MDC1: variants seen among roughly 807,000 people sequenced by gnomAD.
MDC1 encodes the protein mediator of DNA damage checkpoint protein 1.
A neutral mutation model predicts 142.5 loss-of-function variants in MDC1; 81 were observed. The observed-to-expected ratio is 0.57, with a 90% confidence interval of 0.47 to 0.68. The LOEUF (loss-of-function observed/expected upper bound fraction) is 0.68, where lower values mean the gene tolerates loss of function less well. MDC1 is among the 30% of genes least tolerant of loss of function. MDC1 has a pLI of 0.00. For missense variants in MDC1, 2,119 were observed against 2,547.9 expected (o/e 0.83, Z 3.62); for synonymous variants, 797 against 968.4 (o/e 0.82, Z 3.29).
At chr6:30,711,637 A>G (rs1202885064) in intron 6 of MDC1, 30 bp downstream of exon 6, 1 of 1,611,602 alleles carries the variant, frequency 6.2e-7, no homozygotes, top group South Asian at 1.1e-5. Context: ...TCCCACTGGT[A>G]CAGGATTCAA....
rs752810000 is a variant in MDC1, at chr6:30,703,216, C to T, written c.5753G>A (p.Gly1918Asp). 1.2e-6 allele frequency: 2 copies of T among 1,613,138 alleles called. No homozygotes were observed. The highest frequency in any genetic ancestry group is 2.2e-5 in the South Asian group (2 of 91,088). Residue 1918 changes from glycine to aspartate, a missense_variant, in exon 12 of 15, where the codon GGT becomes GAT. Transcript: ENST00000376406. This position sits in a 1 kb window ranked among gnomAD's most constrained non-coding sequence, Gnocchi z 4.4. ...CAGGTGGGAAGCCTCTGCCGCTGAA[C>T]CAGCCAGACTTCCCCCCAGTGCCAG... ...AVLALGGSLAGSAAEASHLVT... is the reference protein window; with the variant it reads ...AVLALGGSLADSAAEASHLVT...
rs17195649 is a variant in MDC1, at chr6:30,707,523, G to A, written c.3013+43C>T. On this transcript the variant is annotated intron_variant, in intron 8 of 14. Transcript: ENST00000376406. ...TGGTTGCCCAGGGGTTGATTATCAC[G>A]AGGCCTGTGTATCACCTTGGGTTCC... 5.1e-3 allele frequency: 8,305 copies of A among 1,612,948 alleles called. 36 individuals are homozygous for A. Among genetic ancestry groups the A allele is most frequent in the Admixed American group, 7.8e-3 (467 of 60,018 alleles).
At position 30,705,282 on chromosome 6, in the gene MDC1, C is replaced by G. The variant is rs200170667; in HGVS notation, c.3901G>C (p.Val1301Leu). The change falls in exon 10 of 15, where the codon GTC becomes CTC. Residue 1301 changes from valine to leucine, a missense_variant. Physicochemically the swap from Val to Leu is conservative, Grantham distance 32. Coordinates refer to ENST00000376406, the MANE Select transcript of MDC1 (RefSeq NM_014641.3). ...GTCCGAGATGTGGGCTTGGGGGTGA[C>G]AGGTCGGTCTGTGGAGGTGGAAGGC... is the stretch of plus-strand genomic sequence containing the variant. ...LRPSTSTDRP[V>L]TPKPTSRTTR... 374 of 1,603,240 alleles carry G rather than the reference C, an allele frequency of 2.3e-4. 1 individual carries two copies. Among genetic ancestry groups the G allele is most frequent in the Admixed American group, 8.3e-4 (48 of 57,926 alleles).
rs148404866 is a variant in MDC1, at chr6:30,704,182, G to C, written c.5001C>G (p.Asp1667Glu). Reference sequence around the variant, plus strand: ...CTATGGCCTCAGGGGTGACGGACTGGTCTGTGGGGGTAAAAGGCTCAAGAT... The same window carrying C: ...CTATGGCCTCAGGGGTGACGGACTGCTCTGTGGGGGTAAAAGGCTCAAGAT... ...ASDLEPFTPT[D>E]QSVTPEAIAQ... is the part of the protein sequence containing the mutation. Residue 1667 changes from aspartate to glutamate, a missense_variant, in exon 10 of 15, where the codon GAC (aspartate) becomes GAG (glutamate). Coordinates refer to ENST00000376406, the MANE Select transcript of MDC1 (RefSeq NM_014641.3). 2,558 of 1,613,740 alleles carry C rather than the reference G, an allele frequency of 1.6e-3. 34 individuals carry two copies. The African/African-American group carries it at 0.031, about 19-fold the overall frequency.
chr6:30,707,710 C>T lies in MDC1; in HGVS notation c.2869G>A (p.Asp957Asn). Residue 957 changes from aspartate to asparagine, a missense_variant, in exon 8 of 15, where the codon GAC becomes AAC. Coordinates refer to ENST00000376406, the MANE Select transcript of MDC1 (RefSeq NM_014641.3). Reference protein sequence around the residue: ...QRGEPEGGSQDQKGQASSPTP... With the variant: ...QRGEPEGGSQNQKGQASSPTP... ...GGGCTGGAGGCCTGCCCTTTCTGGT[C>T]CTGGCTCCCTCCCTCTGGCTCCCCT... is the stretch of plus-strand genomic sequence containing the variant. 6.2e-7 allele frequency: 1 copy of T among 1,613,104 alleles called. No individual in the cohort carries two copies. The highest frequency in any genetic ancestry group is 8.5e-7 in the Non-Finnish European group (1 of 1,180,040).
Position 30,703,811 on chromosome 6 carries a change from A to T in MDC1, c.5372T>A (p.Val1791Glu), listed in dbSNP as rs28994873. The change falls in exon 10 of 15, where the codon GTG becomes GAG. Residue 1791 changes from valine (V) to glutamate (E), a missense_variant. Physicochemically the swap from Val to Glu is moderately radical, Grantham distance 121 (BLOSUM62 -2). Transcript: ENST00000376406. This position sits in a 1 kb window ranked among gnomAD's most constrained non-coding sequence, Gnocchi z 4.4. ...TPIHASQIQK[V>E]EPAGRSRFTP... ...GAACCTAGATCTACCTGCTGGTTCC[A>T]CCTTTTGGATCTGGGAGGCATGAAT... The T allele has an allele frequency of 0.016, 25,668 of 1,605,426 alleles. 372 individuals are homozygous for T. Among genetic ancestry groups the T allele is most frequent in the Middle Eastern group, 0.06 (363 of 6,010 alleles).
Position 30,715,073 on chromosome 6 carries a change from G to A in MDC1, c.103C>T (p.His35Tyr). The change falls in exon 2 of 15, where the codon CAT (histidine) becomes TAT (tyrosine). Residue 35 changes from histidine (H) to tyrosine (Y), a missense_variant. His to Tyr is a moderately conservative substitution (Grantham distance 83, BLOSUM62 2). Coordinates refer to ENST00000376406, the MANE Select transcript of MDC1 (RefSeq NM_014641.3). The surrounding 1 kb of genome is among the most constrained non-coding windows in gnomAD (Gnocchi z 4.1). ...RCNVEPVGRL[H>Y]IFSGAHGPEK... ...GGTCCATGGGCACCACTAAAGATAT[G>A]TAGCCGCCCTACTGGCTCCACGTTA... is the stretch of plus-strand genomic sequence containing the variant. The A allele has an allele frequency of 1.2e-6, 2 of 1,614,148 alleles. No homozygotes were observed. The highest frequency in any genetic ancestry group is 1.3e-5 in the African/African-American group (1 of 75,016).
At position 30,716,373 on chromosome 6, in the gene MDC1, G is replaced by A. The variant is rs990918915; in HGVS notation, c.-4+872C>T. On this transcript the variant is annotated intron_variant, in intron 1 of 14. Transcript: ENST00000376406. This position sits in a 1 kb window ranked among gnomAD's most constrained non-coding sequence, Gnocchi z 4.4. ...CGAGCAGCTGGGATTACAGGCGCCC[G>A]GCATCACGCCTGGCTAATTTTTGTA... Among the ~76,000 whole-genome samples, 1 of 152,062 alleles carries A rather than the reference G, an allele frequency of 6.6e-6. No homozygotes were observed. The highest frequency in any genetic ancestry group is 1.5e-5 in the Non-Finnish European group (1 of 68,010).
In MDC1 at chr6:30,703,501, C is replaced by T. The variant is rs1275550016; in HGVS notation, c.5599G>A (p.Asp1867Asn). 5.6e-6 allele frequency: 9 copies of T among 1,613,522 alleles called. No individual in the cohort carries two copies. The East Asian group carries it at 1.3e-4, about 24-fold the overall frequency. Residue 1867 changes from aspartate to asparagine, a missense_variant, in exon 11 of 15, where the codon GAC (aspartate) becomes AAC (asparagine). Coordinates refer to ENST00000376406, the MANE Select transcript of MDC1 (RefSeq NM_014641.3). The surrounding 1 kb of genome is among the most constrained non-coding windows in gnomAD (Gnocchi z 4.4). ...VTPKPGKRKR[D>N]QAEEEPNRIP... Reference sequence around the variant, plus strand: ...CTGTTGGGCTCCTCCTCTGCCTGGTCTCTCTTTCTCTTGCCTGGTTTTGGA... The same window carrying T: ...CTGTTGGGCTCCTCCTCTGCCTGGTTTCTCTTTCTCTTGCCTGGTTTTGGA...
chr6:30,706,123 G>A (rs774294770), intron 9 of MDC1, 25 bp from the exon 10 acceptor site: 2 of 1,521,486 alleles, frequency 1.3e-6, no homozygotes, highest in African/African-American at 1.4e-5. Flanking sequence ...AAGCAAGTGA[G>A]GGGGAGGAGG....
In MDC1 at chr6:30,712,829, C is replaced by T. The variant is rs573315345; in HGVS notation, c.1113G>A (p.Glu371=). The change falls in exon 5 of 15, where the codon GAG becomes GAA. Residue 371 remains glutamate, a synonymous_variant. Transcript: ENST00000376406. This position sits in a 1 kb window ranked among gnomAD's most constrained non-coding sequence, Gnocchi z 4.7. ...PGAPGLAHLQ[E]SQAGSDTDVE... ...CATCTGTATCACTACCAGCCTGGCT[C>T]TCCTGCAGATGGGCCAGGCCTGGTG... is the stretch of plus-strand genomic sequence containing the variant. 6.2e-7 allele frequency: 1 copy of T among 1,613,014 alleles called. No individual in the cohort carries two copies. Among genetic ancestry groups the T allele is most frequent in the Admixed American group, 1.7e-5 (1 of 60,018 alleles).
At chr6:30,711,788 AAAT>A in intron 5 of MDC1, 62 bp from the exon 6 acceptor site, 1 of 1,582,054 alleles carries the variant, frequency 6.3e-7, no homozygotes, top group Non-Finnish European at 8.6e-7. Context: ...TAAACTCCTT[AAAT>A]AATCTCTACC....
In MDC1 at chr6:30,702,633, G is replaced by A. The variant is rs771422452; in HGVS notation, c.6022C>T (p.Gln2008Ter). Residue 2008 changes from glutamine to a stop codon, truncating the protein, a stop_gained, in exon 14 of 15, where the codon CAG becomes TAG. Transcript: ENST00000376406. LOFTEE classifies it high-confidence loss of function. ...GYEIYVTPGV[Q>*]PPPPQMGEII... ...TCTCCCATCTGAGGTGGTGGTGGCTGGACTCCAGGGGTCACATAGATCTCA... is the reference window on the plus strand; with the variant it reads ...TCTCCCATCTGAGGTGGTGGTGGCTAGACTCCAGGGGTCACATAGATCTCA... 2 of 1,611,134 alleles carry A rather than the reference G, an allele frequency of 1.2e-6. No homozygotes were observed. The highest frequency in any genetic ancestry group is 1.7e-6 in the Non-Finnish European group (2 of 1,179,176).
In MDC1 at chr6:30,713,507, T is replaced by C. The variant is rs1775222676; in HGVS notation, c.587+141A>G. The stretch of plus-strand genomic sequence containing the variant: ...CACTTGGCACATCAGATGTGCTCCA[T>C]AAAAATTCAGCTGAGTGAATGAATA... On this transcript the variant is annotated intron_variant, in intron 4 of 14. Transcript: ENST00000376406. This position sits in a 1 kb window ranked among gnomAD's most constrained non-coding sequence, Gnocchi z 4.9. 1.6e-6 allele frequency: 2 copies of C among 1,249,980 alleles called. No homozygotes were observed. Among genetic ancestry groups the C allele is most frequent in the African/African-American group, 1.5e-5 (1 of 65,838 alleles). The allele number at this position is 1,249,980 out of a possible 1,614,324, so 77.4% of individuals were successfully genotyped here. A position where few individuals can be genotyped will look rare whatever the true frequency, so the allele number is the denominator to read the frequency against.
At position 30,707,403 on chromosome 6, in the gene MDC1, G is replaced by T; in HGVS notation, c.3065C>A (p.Ala1022Asp). 6.2e-7 allele frequency: 1 copy of T among 1,613,088 alleles called. No individual in the cohort carries two copies. Among genetic ancestry groups the T allele is most frequent in the African/African-American group, 1.3e-5 (1 of 75,046 alleles). Residue 1022 changes from alanine (A) to aspartate (D), a missense_variant, in exon 9 of 15, where the codon GCT becomes GAT. Ala to Asp is a moderately radical substitution (Grantham distance 126). Transcript: ENST00000376406. Reference sequence around the variant, plus strand: ...TCTCACCCTGGAAACCTTCTCAGCAGCTCTGATCCTGGAAGCCTTCTCAGC... The same window carrying T: ...TCTCACCCTGGAAACCTTCTCAGCATCTCTGATCCTGGAAGCCTTCTCAGC... ...PPAEKASRIR[A>D]AEKVSRGDQE...
In MDC1 at chr6:30,703,923, T is replaced by C; in HGVS notation, c.5260A>G (p.Arg1754Gly). The C allele has an allele frequency of 2.5e-6, 4 of 1,614,188 alleles. No homozygotes were observed. Among genetic ancestry groups the C allele is most frequent in the Non-Finnish European group, 3.4e-6 (4 of 1,180,038 alleles). ...CTCACTGCTCCCCATCTTTGGTTCC[T>C]TGAGGCCTGGGATTTAGGTTCCAAG... ...APLEPKSQAS[R>G]NQRWGAVRAA... The change falls in exon 10 of 15, where the codon AGG (arginine) becomes GGG (glycine). Residue 1754 changes from arginine to glycine, a missense_variant. Transcript: ENST00000376406. The surrounding 1 kb of genome is among the most constrained non-coding windows in gnomAD (Gnocchi z 4.4).
Position 30,704,566 on chromosome 6 carries a change from A to G in MDC1, c.4617T>C (p.Pro1539=), listed in dbSNP as rs1023128210. ...TVVPAAPELQ[P]STSTDQPVTP... ...TGACAGGTTGGTCTGTGGAGGTGGA[A>G]GGCTGGAGCTCAGGGGCTGCGGGCA... is the stretch of plus-strand genomic sequence containing the variant. Residue 1539 remains proline, a synonymous_variant, in exon 10 of 15, where the codon CCT becomes CCC. Coordinates refer to ENST00000376406, the MANE Select transcript of MDC1 (RefSeq NM_014641.3). 21 of 1,607,884 alleles carry G rather than the reference A, an allele frequency of 1.3e-5. 1 individual carries two copies. The highest frequency in any genetic ancestry group is 6.7e-5 in the East Asian group (3 of 44,522).
At position 30,716,754 on chromosome 6, in the gene MDC1, T is replaced by TGC; in HGVS notation, c.-4+490_-4+491insGC. The TGC allele has an allele frequency of 4.8e-6, 1 of 209,756 alleles. No individual in the cohort carries two copies. The highest frequency in any genetic ancestry group is 8.3e-6 in the Non-Finnish European group (1 of 121,166). 13.0% of individuals were successfully genotyped at this position (209,756 alleles called of 1,614,324 possible). A position where few individuals can be genotyped will look rare whatever the true frequency, so the allele number is the denominator to read the frequency against. ...TCATTCAATGGTTATGGTATACCTG[T>TGC]TTGAAGTATTTGGTATACATCTGTG... On this transcript the variant is annotated intron_variant, in intron 1 of 14. Transcript: ENST00000376406. This position sits in a 1 kb window ranked among gnomAD's most constrained non-coding sequence, Gnocchi z 4.4.
rs763451532 is a variant in MDC1, at chr6:30,703,464, C to T, written c.5636G>A (p.Arg1879His). The change falls in exon 11 of 15, where the codon CGC becomes CAC. Residue 1879 changes from arginine to histidine, a missense_variant. Arg to His is a conservative substitution (Grantham distance 29). Coordinates refer to ENST00000376406, the MANE Select transcript of MDC1 (RefSeq NM_014641.3). This position sits in a 1 kb window ranked among gnomAD's most constrained non-coding sequence, Gnocchi z 4.4. ...AEEEPNRIPS[R>H]SLRRTKLNQE... ...GTTAAGTTTGGTCCGTCGGAGGCTG[C>T]GGCTTGGTATTCTGTTGGGCTCCTC... The T allele has an allele frequency of 1.4e-5, 22 of 1,613,808 alleles. No homozygotes were observed. The African/African-American group carries it at 1.7e-4, about 13-fold the overall frequency.
Sources: gnomAD v4.1 joint callset for allele counts (sites outside exome capture counted in the v4.1 genomes callset) on GRCh38, gnomAD v4.1.1 for gene constraint, Gnocchi (gnomAD v3.1) non-coding constraint, MANE v1.5 for transcripts, NCBI Gene and HGNC (gene_info 2026-07-23, HGNC 2026-07-21) for gene names.